NRDC: variants seen among roughly 807,000 people sequenced by gnomAD.
The protein encoded by NRDC is nardilysin convertase, also known as nardilysin.
A neutral mutation model predicts 147.1 loss-of-function variants in NRDC; 54 were observed. The observed-to-expected ratio is 0.37, with a 90% CI of 0.29 to 0.46. The LOEUF is 0.46. NRDC is among the 20% of genes least tolerant of loss of function. NRDC has a pLI of 1.00. For synonymous variants in NRDC, 440 were observed against 482.1 expected (o/e 0.91, Z 1.14); for missense variants, 1,082 against 1,370.6 (o/e 0.79, Z 3.33).
intron 2 of NRDC, chr1:51,837,601 A>G (rs1460749551): frequency 6.5e-7 from 1 of 1,549,622 alleles, no homozygotes; most frequent in Non-Finnish European, 8.8e-7. Flanking sequence ...TGACCACAGC[A>G]AAAACAGGCT....
rs760398490 is a variant in NRDC at position 51,840,403 on chromosome 1, TTCC to T, written c.450_452del (p.Glu154del). On this transcript the variant is annotated inframe_deletion, in exon 2 of 31. Coordinates refer to ENST00000352171, the MANE Select transcript of NRDC (RefSeq NM_001101662.2). ...AATCTTCATCATCATCTTCTTCTTC[TTCC>T]TCCACCTCCTCTTCTTCTTCATCAT... 103 of 1,273,248 alleles carry T rather than the reference TTCC, an allele frequency of 8.1e-5. No homozygotes were observed. Among genetic ancestry groups the T allele is most frequent in the Non-Finnish European group, 1.1e-4 (98 of 884,734 alleles). The allele number at this position is 1,273,248 out of a possible 1,614,324, so 78.9% of individuals were successfully genotyped here.
chr1:51,823,405 C>G (rs577060310), intron 7 of NRDC, among the ~76,000 whole-genome samples: 52 of 152,300 alleles, frequency 3.4e-4, no homozygotes, highest in African/African-American at 1.1e-3. Flanking sequence ...AGTACATTCA[C>G]AGACCAGCCT....
rs763990960 is a variant in NRDC at position 51,806,856 on chromosome 1, A to G, written c.2048T>C (p.Ile683Thr). The part of the protein sequence containing the change: ...DCPETEYPVK[I>T]VNTPQGCLWY... ...CAGGCAACCTTGTGGAGTATTCACA[A>G]TTTTAACTGGGTATTCTGTTTCCGG... is the stretch of plus-strand genomic sequence containing the variant. The change falls in exon 18 of 31, where the codon ATT becomes ACT. Residue 683 changes from isoleucine (I) to threonine (T), a missense_variant. This residue lies in a region of NRDC where 635 missense variants were observed against 923.8 expected (regional missense o/e 0.69). Transcript: ENST00000352171. The G allele has an allele frequency of 8.7e-6, 14 of 1,614,000 alleles. No homozygotes were observed. Among genetic ancestry groups the G allele is most frequent in the Non-Finnish European group, 1.2e-5 (14 of 1,179,972 alleles).
intron 1 of NRDC, among the ~76,000 whole-genome samples, chr1:51,841,073 C>T (rs972642161): frequency 1.3e-5 from 2 of 152,274 alleles, no homozygotes; most frequent in African/African-American, 2.4e-5. Context: ...AATGAAATCC[C>T]CCACAGACTG....
intron 15 of NRDC, 91 bp downstream of exon 15, chr1:51,811,903 T>G (rs758169711): frequency 6.5e-6 from 5 of 764,558 alleles, no homozygotes; most frequent in Admixed American, 2.5e-5. Flanking sequence ...AACTAAGTTT[T>G]CTTCGTTCCC....
At chr1:51,875,308 T>C (rs182827019) in intron 1 of NRDC, among the ~76,000 whole-genome samples, 91 of 152,342 alleles carry the variant, frequency 6.0e-4, no homozygotes, top group African/African-American at 2.0e-3. Flanking sequence ...AGGGGAGGGT[T>C]ATTGAAAAAC....
Position 51,812,092 on chromosome 1 carries a change from G to C in NRDC, c.1681C>G (p.Pro561Ala), listed in dbSNP as rs768121240. ...NEFHYQEQTD[P>A]VEYVENMCEN... ...CACATGTTTTCCACATACTCAACTGGATCTGTCTGTAAAGAGGTAAATTAT... is the reference window on the plus strand; with the variant it reads ...CACATGTTTTCCACATACTCAACTGCATCTGTCTGTAAAGAGGTAAATTAT... Residue 561 changes from proline to alanine, a missense_variant, in exon 15 of 31, where the codon CCA (proline) becomes GCA (alanine). Around this residue, in one of 3 missense-constraint regions of NRDC, gnomAD observed 635 missense variants for 923.8 expected, o/e 0.69. Coordinates refer to ENST00000352171, the MANE Select transcript of NRDC (RefSeq NM_001101662.2). The C allele has an allele frequency of 1.9e-6, 3 of 1,611,322 alleles. No homozygotes were observed. The highest frequency in any genetic ancestry group is 2.5e-6 in the Non-Finnish European group (3 of 1,177,546).
chr1:51,800,435 C>T (rs1019958581), intron 21 of NRDC, 121 bp downstream of exon 21: 4 of 1,128,980 alleles, frequency 3.5e-6, no homozygotes, highest in Non-Finnish European at 5.1e-6. Context: ...TAAACTAGAG[C>T]ACGATTCAAA....
At chr1:51,828,110 C>CA (rs1680525482) in intron 4 of NRDC, among the ~76,000 whole-genome samples, 1 of 152,186 alleles carries the variant, frequency 6.6e-6, no homozygotes, top group Admixed American at 6.5e-5. Context: ...AACATATAAA[C>CA]TACACCTGAG....
intron 1 of NRDC, among the ~76,000 whole-genome samples, chr1:51,845,810 G>T (rs978129732): frequency 1.3e-5 from 2 of 151,892 alleles, no homozygotes; most frequent in Non-Finnish European, 1.5e-5. Flanking sequence ...CTATATCCTG[G>T]GACAACACCA....
At chr1:51,791,687 T>A in intron 26 of NRDC, 26 bp from the exon 27 acceptor site, 1 of 1,553,600 alleles carries the variant, frequency 6.4e-7, no homozygotes, top group Non-Finnish European at 8.9e-7. Context: ...AAAAGTTATA[T>A]GAGCTCAGGT....
Position 51,878,581 on chromosome 1 carries a change from G to A in NRDC, c.35C>T (p.Ala12Val), listed in dbSNP as rs746890606. The A allele has an allele frequency of 6.2e-7, 1 of 1,612,812 alleles. No individual in the cohort carries two copies. Among genetic ancestry groups the A allele is most frequent in the African/African-American group, 1.3e-5 (1 of 75,006 alleles). ...LRRVTVAAVC[A>V]TRRKLCEAGR... is the part of the protein sequence containing the mutation. Reference sequence around the variant, plus strand: ...GGCCTCACACAACTTCCTCCGGGTGGCACAGACTGCAGCAACAGTGACTCT... The same window carrying A: ...GGCCTCACACAACTTCCTCCGGGTGACACAGACTGCAGCAACAGTGACTCT... The change falls in exon 1 of 31, where the codon GCC becomes GTC. Residue 12 changes from alanine (A) to valine (V), a missense_variant. By Grantham distance (64) the Ala-to-Val change is moderately conservative. This residue lies in a region of NRDC where 260 missense variants were observed against 253.2 expected (regional missense o/e 1.03). Coordinates refer to ENST00000352171, the MANE Select transcript of NRDC (RefSeq NM_001101662.2).
intron 20 of NRDC, among the ~76,000 whole-genome samples, chr1:51,802,475 G>A (rs946339889): frequency 5.9e-5 from 9 of 152,078 alleles, no homozygotes; most frequent in African/African-American, 1.9e-4. Context: ...AGCTCTCCAG[G>A]TAATTCTAAA....
intron 13 of NRDC, 135 bp from the exon 14 acceptor site, chr1:51,814,224 C>A (rs1323307689): frequency 4.8e-5 from 30 of 621,890 alleles, no homozygotes; most frequent in Non-Finnish European, 8.6e-5. Context: ...ACAAAATAAT[C>A]TGTACAACAA....
intron 14 of NRDC, among the ~76,000 whole-genome samples, chr1:51,812,767 A>G (rs1262200552): frequency 6.6e-6 from 1 of 152,134 alleles, no homozygotes; most frequent in Admixed American, 6.5e-5. Flanking sequence ...TCGTCTAAAC[A>G]CTATTTGTAA....
At chr1:51,861,097 GCAT>G (rs1485938899) in intron 1 of NRDC, among the ~76,000 whole-genome samples, 1 of 151,282 alleles carries the variant, frequency 6.6e-6, no homozygotes, top group Non-Finnish European at 1.5e-5. Context: ...TTATAGGCGG[GCAT>G]CACCATGCCC....
chr1:51,819,764 T>C, intron 9 of NRDC, 36 bp downstream of exon 9: 1 of 1,510,798 alleles, frequency 6.6e-7, no homozygotes, highest in South Asian at 1.2e-5. Context: ...TGTGCTAACA[T>C]TATTTCAAAC....
Position 51,810,298 on chromosome 1 carries a change from G to C in NRDC, c.1886C>G (p.Thr629Ser). Residue 629 changes from threonine to serine, a missense_variant, in exon 16 of 31, where the codon ACT becomes AGT. By Grantham distance (58) the Thr-to-Ser change is moderately conservative (BLOSUM62 1). Coordinates refer to ENST00000352171, the MANE Select transcript of NRDC (RefSeq NM_001101662.2). ...TATTTTACCTTCTATACTATATTGA[G>C]TTCCAAACCATTTCTCCTTGAGGTC... ...KCDLKEKWFG[T>S]QYSIEDIENS... 6.2e-7 allele frequency: 1 copy of C among 1,608,022 alleles called. No individual in the cohort carries two copies. The highest frequency in any genetic ancestry group is 1.7e-4 in the Middle Eastern group (1 of 6,044).
chr1:51,847,838 G>GC (rs1468774846), intron 1 of NRDC, among the ~76,000 whole-genome samples: 2 of 152,248 alleles, frequency 1.3e-5, no homozygotes, highest in African/African-American at 2.4e-5. Context: ...GGCCTGAAGA[G>GC]CCCCTCAAGC....
Sources: allele counts gnomAD v4.1 joint callset (sites outside exome capture counted in the v4.1 genomes callset), GRCh38; gene constraint gnomAD v4.1.1; regional missense constraint gnomAD v4.1.1; transcripts MANE v1.5; gene names NCBI Gene and HGNC (gene_info 2026-07-23, HGNC 2026-07-21).